POLR1A: variants seen among roughly 807,000 people sequenced by gnomAD.
POLR1A encodes DNA-directed RNA polymerase I subunit RPA1.
Under a neutral mutation model 205.3 loss-of-function variants are expected in POLR1A, and 84 were observed. The observed-to-expected ratio is 0.41, with a 90% CI of 0.34 to 0.49. POLR1A has a LOEUF of 0.49. POLR1A is among the 20% of genes least tolerant of loss of function. The pLI, the probability that POLR1A is intolerant of heterozygous loss-of-function variation, is 0.22. For synonymous variants in POLR1A, 799 were observed against 863.7 expected (o/e 0.93, Z 1.31); for missense variants, 1,645 against 2,204.5 (o/e 0.75, Z 5.08).
chr2:86,031,411 C>T lies in POLR1A; in HGVS notation c.4497G>A (p.Glu1499=), dbSNP rs1672384986. 6.2e-7 allele frequency: 1 copy of T among 1,613,318 alleles called. No individual in the cohort carries two copies. Among genetic ancestry groups the T allele is most frequent in the Admixed American group, 1.7e-5 (1 of 59,968 alleles). Residue 1499 remains glutamate, a synonymous_variant, in exon 30 of 34, where the codon GAG becomes GAA. Transcript: ENST00000263857. ...TCTCACGCACAGCCTGGACCCGGCG[C>T]TCCATGGCCTCGGGCCCCTGGGGCT... ...SQEPQGPEAM[E]RRVQAVREIH... is the part of the protein sequence containing the mutation.
Position 86,025,917 on chromosome 2 carries a change from G to A in POLR1A, c.*1506C>T, listed in dbSNP as rs946145174. The A allele has an allele frequency of 1.3e-5, 2 of 152,224 alleles. No individual in the cohort carries two copies. Among genetic ancestry groups the A allele is most frequent in the African/African-American group, 2.4e-5 (1 of 41,434 alleles). The allele number at this position is 152,224 out of a possible 1,614,324, so 9.4% of individuals were successfully genotyped here. Reference sequence around the variant, plus strand: ...ACCCCGTTAGGAGGTACTGATTTCTGTCAGGCTTTCCCCAGTGTAGGCCTA... The same window carrying A: ...ACCCCGTTAGGAGGTACTGATTTCTATCAGGCTTTCCCCAGTGTAGGCCTA... On this transcript the variant is annotated 3_prime_UTR_variant, in exon 34 of 34. Transcript: ENST00000263857.
rs912517326 is a variant in POLR1A at position 86,024,428 on chromosome 2, A to C, written c.*2995T>G. On this transcript the variant is annotated 3_prime_UTR_variant, in exon 34 of 34. Coordinates refer to ENST00000263857, the MANE Select transcript of POLR1A (RefSeq NM_015425.6). ...TACATATTATTTGGGGGTAGGGCAA[A>C]GTGAAGAGAAAAGAAGGTTCAAGTT... 6.6e-6 allele frequency: 1 copy of C among 152,456 alleles called. No homozygotes were observed. Among genetic ancestry groups the C allele is most frequent in the Non-Finnish European group, 1.5e-5 (1 of 68,192 alleles). The allele number at this position is 152,456 out of a possible 1,614,324, so 9.4% of individuals were successfully genotyped here.
At chr2:86,034,869 T>C (rs910031031) in intron 27 of POLR1A, among the ~76,000 whole-genome samples, 7 of 152,276 alleles carry the variant, frequency 4.6e-5, no homozygotes, top group Non-Finnish European at 8.8e-5. Flanking sequence ...ATATTATTAT[T>C]ATTAGTTCCC....
In POLR1A at chr2:86,028,778, T is replaced by C. The variant is rs1031844968; in HGVS notation, c.4780-67A>G. The C allele has an allele frequency of 1.1e-5, 13 of 1,140,674 alleles. No homozygotes were observed. Among genetic ancestry groups the C allele is most frequent in the Non-Finnish European group, 1.4e-5 (11 of 759,998 alleles). The allele number at this position is 1,140,674 out of a possible 1,614,324, so 70.7% of individuals were successfully genotyped here. A position where few individuals can be genotyped will look rare whatever the true frequency, so the allele number is the denominator to read the frequency against. On this transcript the variant is annotated intron_variant, in intron 31 of 33. Transcript: ENST00000263857. This position sits in a 1 kb window ranked among gnomAD's most constrained non-coding sequence, Gnocchi z 4.5. ...TTCTGCTCCCTTCTGCCTGCGTATC[T>C]CCCCCTGGCCGCTCTCTCTCTCCTT...
intron 1 of POLR1A, among the ~76,000 whole-genome samples, chr2:86,102,880 T>C (rs997334728): frequency 6.6e-5 from 10 of 152,202 alleles, no homozygotes; most frequent in African/African-American, 2.4e-4. Flanking sequence ...AATTTTTTAC[T>C]GGAGGTGCCA....
chr2:86,073,416 T>A (rs1673215087), intron 12 of POLR1A, among the ~76,000 whole-genome samples: 1 of 152,146 alleles, frequency 6.6e-6, no homozygotes, highest in Non-Finnish European at 1.5e-5. Context: ...ATATTTACTA[T>A]CTGACCCCAG....
intron 33 of POLR1A, 137 bp downstream of exon 33, chr2:86,027,748 C>T (rs1273185400): frequency 2.0e-6 from 2 of 1,019,568 alleles, no homozygotes. Flanking sequence ...GTTCAGCCCC[C>T]TCCAGCCGCC....
chr2:86,103,066 A>C (rs898691363), intron 1 of POLR1A, among the ~76,000 whole-genome samples: 2 of 152,246 alleles, frequency 1.3e-5, no homozygotes, highest in Non-Finnish European at 2.9e-5. Flanking sequence ...TGCTATGCTT[A>C]CAGGCCTTAC....
chr2:86,029,876 A>C (rs1419043508), intron 31 of POLR1A, among the ~76,000 whole-genome samples: 3 of 152,252 alleles, frequency 2.0e-5, no homozygotes, highest in Middle Eastern at 6.8e-3. Flanking sequence ...CTGGGATTAC[A>C]GGTGTGAACC....
chr2:86,084,656 T>C (rs1673468866), intron 6 of POLR1A, among the ~76,000 whole-genome samples: 4 of 149,472 alleles, frequency 2.7e-5, no homozygotes, highest in African/African-American at 9.7e-5. Context: ...ACACCACTCT[T>C]GCCTTTTCCT....
At chr2:86,041,160 T>C (rs1007866434) in intron 24 of POLR1A, among the ~76,000 whole-genome samples, 24 of 90,896 alleles carry the variant, frequency 2.6e-4, no homozygotes, top group African/African-American at 1.1e-3. Flanking sequence ...TGTGTGTGTG[T>C]GTGTGTGTGT....
intron 9 of POLR1A, among the ~76,000 whole-genome samples, chr2:86,079,203 G>A (rs1259951706): frequency 6.6e-6 from 1 of 152,216 alleles, no homozygotes. Context: ...TAGCTCTAGG[G>A]AAAATAGATG....
At chr2:86,095,389 G>A (rs1402108193) in intron 3 of POLR1A, among the ~76,000 whole-genome samples, 2 of 152,156 alleles carry the variant, frequency 1.3e-5, no homozygotes, top group African/African-American at 4.8e-5. Flanking sequence ...GAACAAAAAG[G>A]CCAGTATTTG....
intron 1 of POLR1A, among the ~76,000 whole-genome samples, chr2:86,101,769 T>C (rs1383495132): frequency 6.6e-6 from 1 of 152,192 alleles, no homozygotes; most frequent in African/African-American, 2.4e-5. Context: ...TCTTGTAAAA[T>C]TGAAACCCTG....
rs192811625 is a variant in POLR1A, at chr2:86,095,979, C to T, written c.432+2632G>A. Among the ~76,000 whole-genome samples, 34 of 152,142 alleles carry T rather than the reference C, an allele frequency of 2.2e-4. 2 individuals are homozygous for T. In the East Asian group the frequency reaches 6.4e-3, roughly 29 times the overall value. On this transcript the variant is annotated intron_variant, in intron 3 of 33. Transcript: ENST00000263857. ...TCCTGACCTTGTGATCCACCTGCCT[C>T]GGCCTCCCAAAGTGCTGGGATTACA...
intron 3 of POLR1A, 116 bp downstream of exon 3, chr2:86,098,494 TA>T: frequency 1.0e-6 from 1 of 1,000,244 alleles, no homozygotes; most frequent in Non-Finnish European, 1.5e-6. Flanking sequence ...TTATAAGATA[TA>T]AAGATCAAAC....
chr2:86,038,911 G>A lies in POLR1A; in HGVS notation c.3877-54C>T, dbSNP rs1031907635. ...ACTTGTTCAGGTCCTAGGTGACTGC[G>A]CAATGTGAGTGGGTTACGAGACCCA... On this transcript the variant is annotated intron_variant, in intron 26 of 33. Transcript: ENST00000263857. 2.3e-5 allele frequency: 36 copies of A among 1,542,906 alleles called. No homozygotes were observed. In the African/African-American group the frequency reaches 2.7e-4, roughly 12 times the overall value.
rs1403337721 is a variant in POLR1A, at chr2:86,045,264, C to T, written c.2969+14G>A. 3.2e-6 allele frequency: 5 copies of T among 1,570,504 alleles called. No individual in the cohort carries two copies. Among genetic ancestry groups the T allele is most frequent in the Admixed American group, 3.3e-5 (2 of 59,918 alleles). On this transcript the variant is annotated intron_variant, in intron 21 of 33. Transcript: ENST00000263857. Reference sequence around the variant, plus strand: ...TGGCACTCTACCTCAAGGGGCACGGCAGATACATTTTACCTTTGGAGATAG... The same window carrying T: ...TGGCACTCTACCTCAAGGGGCACGGTAGATACATTTTACCTTTGGAGATAG...
In POLR1A at chr2:86,070,213, G is replaced by A. The variant is rs1673151222; in HGVS notation, c.1671C>T (p.His557=). 1 of 1,614,016 alleles carries A rather than the reference G, an allele frequency of 6.2e-7. No individual in the cohort carries two copies. Among genetic ancestry groups the A allele is most frequent in the Admixed American group, 1.7e-5 (1 of 60,006 alleles). The stretch of plus-strand genomic sequence containing the variant: ...CACGGTGGGCCTGGATGGAGGGTCT[G>A]TGCAGTGTGGGCTGTCGGTTCAGTA... ...ILLLNRQPTL[H]RPSIQAHRAR... The change falls in exon 13 of 34, where the codon CAC becomes CAT. Residue 557 remains histidine, a synonymous_variant. Coordinates refer to ENST00000263857, the MANE Select transcript of POLR1A (RefSeq NM_015425.6). This position sits in a 1 kb window ranked among gnomAD's most constrained non-coding sequence, Gnocchi z 4.4.
Sources: allele counts gnomAD v4.1 joint callset (sites outside exome capture counted in the v4.1 genomes callset), GRCh38; gene constraint gnomAD v4.1.1; non-coding constraint Gnocchi (gnomAD v3.1); transcripts MANE v1.5; gene names NCBI Gene and HGNC (gene_info 2026-07-23, HGNC 2026-07-21).